Variants in CDH2 observed in about 807,000 individuals in gnomAD.
CDH2 encodes the protein cadherin 2.
CDH2 carries 17 observed loss-of-function variants against 92.0 expected under a neutral mutation model. The ratio of observed to expected loss-of-function variants is 0.18; its 90% CI spans 0.13 to 0.28. The LOEUF is 0.28. CDH2 is among the 10% of genes least tolerant of loss of function. The pLI is 1.00. For synonymous variants in CDH2, 419 were observed against 415.9 expected, an observed-to-expected ratio of 1.01 and a Z score of -0.09; for missense variants, 862 against 1,133.1, an observed-to-expected ratio of 0.76 and a Z score of 3.44.
chr18:28,092,552 AAAAAC>A (rs888900671), intron 2 of CDH2, among the ~76,000 whole-genome samples: 1 of 152,056 alleles, frequency 6.6e-6, no homozygotes, highest in Non-Finnish European at 1.5e-5. Context: ...GAGAGAAAAA[AAAAAC>A]AAAAGGATGA....
intron 9 of CDH2, among the ~76,000 whole-genome samples, chr18:27,992,450 A>AC (rs2012447051): frequency 8.5e-5 from 13 of 152,220 alleles, no homozygotes; most frequent in Admixed American, 6.5e-5. Flanking sequence ...CACATCAGTG[A>AC]TGATGTGAGA....
At position 27,993,614 on chromosome 18, in the gene CDH2, T is replaced by A; in HGVS notation, c.1044A>T (p.Ile348=). The A allele has an allele frequency of 6.2e-7, 1 of 1,612,860 alleles. No homozygotes were observed. The highest frequency in any genetic ancestry group is 8.5e-7 in the Non-Finnish European group (1 of 1,178,850). ...DREKVQQYTL[I]IQATDMEGNP... is the part of the protein sequence containing the mutation. ...TGCCTTCCATGTCTGTAGCTTGAATTATTAACGTATACTGTTGCACTTTCT... is the reference window on the plus strand; with the variant it reads ...TGCCTTCCATGTCTGTAGCTTGAATAATTAACGTATACTGTTGCACTTTCT... Residue 348 remains isoleucine (I), a synonymous_variant, in exon 8 of 16, where the codon ATA becomes ATT. Coordinates refer to ENST00000269141, the MANE Select transcript of CDH2 (RefSeq NM_001792.5).
chr18:28,027,366 A>T (rs191622838), intron 2 of CDH2, among the ~76,000 whole-genome samples: 226 of 152,276 alleles, frequency 1.5e-3, no homozygotes, highest in African/African-American at 5.2e-3. Context: ...CCTACCAAAA[A>T]GTTTTTATTA....
At chr18:28,125,520 G>A (rs1284093605) in intron 2 of CDH2, among the ~76,000 whole-genome samples, 1 of 152,068 alleles carries the variant, frequency 6.6e-6, no homozygotes, top group East Asian at 1.9e-4. Context: ...TCCAAAAAAT[G>A]TGTTCTATGA....
At chr18:27,934,695 G>A (rs550804316) in intron 6 of CDH2, among the ~76,000 whole-genome samples, 1 of 145,928 alleles carries the variant, frequency 6.9e-6, no homozygotes, top group Admixed American at 6.9e-5. Flanking sequence ...CAGGATTTTT[G>A]GAACCAGTAA....
intron 2 of CDH2, among the ~76,000 whole-genome samples, chr18:28,070,427 A>G (rs1334359015): frequency 1.3e-5 from 2 of 152,216 alleles, no homozygotes; most frequent in Non-Finnish European, 2.9e-5. Context: ...TTGCACTGGT[A>G]TGTCACTGAT....
downstream of CDH2, among the ~76,000 whole-genome samples, chr18:27,947,242 G>A (rs796597245): frequency 2.0e-5 from 3 of 151,800 alleles, no homozygotes; most frequent in African/African-American, 7.2e-5. Context: ...CTCCAACAGA[G>A]CAGTAAAGTA....
At chr18:28,051,461 C>T (rs2014189470) in intron 2 of CDH2, among the ~76,000 whole-genome samples, 2 of 152,104 alleles carry the variant, frequency 1.3e-5, no homozygotes, top group Admixed American at 1.3e-4. Context: ...GTCTGCTTGT[C>T]CTGGGAAATG....
chr18:28,080,089 G>C (rs534877824), intron 2 of CDH2, among the ~76,000 whole-genome samples: 26 of 152,234 alleles, frequency 1.7e-4, no homozygotes, highest in African/African-American at 5.8e-4. Context: ...ATATTCAAAA[G>C]AGAAACAGGA....
At chr18:28,042,591 C>T (rs923617669) in intron 2 of CDH2, among the ~76,000 whole-genome samples, 2 of 152,072 alleles carry the variant, frequency 1.3e-5, no homozygotes, top group Non-Finnish European at 2.9e-5. Context: ...TATTATGTTC[C>T]AGGCACTGTT....
chr18:28,084,461 G>A (rs1285392218), intron 2 of CDH2, among the ~76,000 whole-genome samples: 2 of 151,946 alleles, frequency 1.3e-5, no homozygotes, highest in Non-Finnish European at 2.9e-5. Context: ...CTGAAAAATG[G>A]CCAGAGAATC....
chr18:28,124,072 A>T (rs1390244798), intron 2 of CDH2, among the ~76,000 whole-genome samples: 2 of 152,134 alleles, frequency 1.3e-5, no homozygotes, highest in African/African-American at 4.8e-5. Flanking sequence ...AAAGCAACTC[A>T]GTCTCTAACA....
In CDH2 at chr18:28,011,769, TA is replaced by T. The variant is rs545005655; in HGVS notation, c.546+76del. On this transcript the variant is annotated intron_variant, in intron 4 of 15. Transcript: ENST00000269141. ...TATACATGTCATAAATTCTACTTTG[TA>T]AAAAAAATAGACAGAAATATTTTTA... The T allele has an allele frequency of 4.8e-4, 683 of 1,412,256 alleles. 7 individuals are homozygous for T. In the African/African-American group the frequency reaches 6.9e-3, roughly 14 times the overall value. 87.5% of individuals were successfully genotyped at this position (1,412,256 alleles called of 1,614,324 possible).
intron 1 of CDH2, among the ~76,000 whole-genome samples, chr18:28,175,349 G>A (rs925760159): frequency 7.9e-5 from 12 of 152,206 alleles, no homozygotes; most frequent in African/African-American, 2.7e-4. Context: ...AGAAAGACCG[G>A]TAGGAGACTA....
At chr18:28,025,794 A>G (rs2013537950) in intron 2 of CDH2, among the ~76,000 whole-genome samples, 1 of 151,984 alleles carries the variant, frequency 6.6e-6, no homozygotes, top group Non-Finnish European at 1.5e-5. Flanking sequence ...GGCAAATAAC[A>G]ATGTAGTATA....
intron 15 of CDH2, among the ~76,000 whole-genome samples, chr18:27,960,019 A>AAC (rs5823570): frequency 0.063 from 9,431 of 149,556 alleles, 877 homozygotes; most frequent in African/African-American, 0.21. Flanking sequence ...TGTCTCTTAA[A>AAC]ACACACACAC....
At chr18:28,046,267 A>G (rs2014073212) in intron 2 of CDH2, among the ~76,000 whole-genome samples, 1 of 152,204 alleles carries the variant, frequency 6.6e-6, no homozygotes, top group Non-Finnish European at 1.5e-5. Context: ...TAGGAAATGT[A>G]GGCACTTCAA....
chr18:27,955,759 C>CTTTTTTTTTTTTTTTTT (rs1219088194), intron 15 of CDH2, among the ~76,000 whole-genome samples: 6 of 25,942 alleles, frequency 2.3e-4, no homozygotes, highest in African/African-American at 2.4e-4. Context: ...TTCTTTATTT[C>CTTTTTTTTTTTTTTTTT]TGTTTTTTTT....
chr18:28,151,271 G>T (rs972959797), intron 1 of CDH2, among the ~76,000 whole-genome samples: 3 of 152,204 alleles, frequency 2.0e-5, no homozygotes, highest in Non-Finnish European at 2.9e-5. Flanking sequence ...CTCCCCAGGG[G>T]ACATCTATCA....
Sources: allele counts gnomAD v4.1 joint callset (sites outside exome capture counted in the v4.1 genomes callset), GRCh38; gene constraint gnomAD v4.1.1; transcripts MANE v1.5; gene names NCBI Gene and HGNC (gene_info 2026-07-23, HGNC 2026-07-21).